KLHL30: variants seen among roughly 807,000 people sequenced by gnomAD.
KLHL30 encodes kelch like family member 30.
KLHL30 carries 55 observed loss-of-function variants against 55.0 expected under a neutral mutation model. The observed-to-expected ratio is 1.00, with a 90% confidence interval of 0.80 to 1.25. The LOEUF is 1.25. KLHL30 is among the 50% of genes most tolerant of loss of function. The pLI is 0.00. For missense variants in KLHL30, 786 were observed against 811.6 expected (o/e 0.97, Z 0.38); for synonymous variants, 356 against 372.6 (o/e 0.96, Z 0.51).
intron 7 of KLHL30, 103 bp downstream of exon 7, chr2:238,149,255 C>G (rs1486285341): frequency 2.7e-6 from 4 of 1,482,846 alleles, no homozygotes; most frequent in Non-Finnish European, 3.7e-6. Flanking sequence ...AGAGGGCCCA[C>G]TGCGAAGGGG....
rs1692607584 is a variant in KLHL30, at chr2:238,144,432, A to AGGCAGGC, written c.908-470_908-469insGGCAGGC. On this transcript the variant is annotated intron_variant, in intron 3 of 7. Transcript: ENST00000409223. ...GAAGGAAGGAAGGAAGGAAGGAAGG[A>AGGCAGGC]AGGCAGGCAGGCAGGCAGGCAGGCA... Among the ~76,000 whole-genome samples, 140 of 82,376 alleles carry AGGCAGGC rather than the reference A, an allele frequency of 1.7e-3. 1 individual carries two copies. Among genetic ancestry groups the AGGCAGGC allele is most frequent in the African/African-American group, 4.9e-3 (106 of 21,802 alleles). The allele number at this position is 82,376 out of a possible 152,430, so 54.0% of individuals were successfully genotyped here. A position where few individuals can be genotyped will look rare whatever the true frequency, so the allele number is the denominator to read the frequency against.
intron 1 of KLHL30, among the ~76,000 whole-genome samples, chr2:238,139,720 G>A (rs1172825064): frequency 2.0e-5 from 3 of 152,180 alleles, no homozygotes; most frequent in East Asian, 1.9e-4. Context: ...ACGCGCGGCC[G>A]CCTCTCCTGC....
At chr2:238,149,313 G>A (rs987863878) in intron 7 of KLHL30, among the ~76,000 whole-genome samples, 161 bp downstream of exon 7, 2 of 146,098 alleles carry the variant, frequency 1.4e-5, no homozygotes, top group Non-Finnish European at 3.0e-5. Context: ...GAAGGGGGTG[G>A]CGCAGGCTGG....
chr2:238,146,375 T>C (rs1692648759), intron 5 of KLHL30, among the ~76,000 whole-genome samples: 1 of 150,570 alleles, frequency 6.6e-6, no homozygotes, highest in Non-Finnish European at 1.5e-5. Context: ...CCTGTCTCCC[T>C]TTTTAAAATT....
At chr2:238,143,364 T>C (rs1486553531) in intron 3 of KLHL30, among the ~76,000 whole-genome samples, 1 of 152,206 alleles carries the variant, frequency 6.6e-6, no homozygotes, top group Non-Finnish European at 1.5e-5. Context: ...GAGCGAGAAC[T>C]CAGCTTCTGG....
chr2:238,139,085 G>C (rs970842751), intron 1 of KLHL30, among the ~76,000 whole-genome samples: 2 of 152,294 alleles, frequency 1.3e-5, no homozygotes, highest in East Asian at 3.9e-4. Context: ...TCCTCACTCC[G>C]GGCCTGGGCA....
chr2:238,140,014 CGT>C (rs1692503554), intron 1 of KLHL30, among the ~76,000 whole-genome samples: 1 of 152,246 alleles, frequency 6.6e-6, no homozygotes, highest in Non-Finnish European at 1.5e-5. Context: ...CACCCGGCCA[CGT>C]GGAATGCAGG....
Position 238,147,146 on chromosome 2 carries a change from CAAA to C in KLHL30, c.1151-676_1151-674del, listed in dbSNP as rs11442034. On this transcript the variant is annotated intron_variant, in intron 5 of 7. Transcript: ENST00000409223. The surrounding 1 kb of genome is among the most constrained non-coding windows in gnomAD (Gnocchi z 5.8). ...TGGGTGACCGAGCAAGACCCTGTCT[CAAA>C]AAAAAAAAAAAGAAAGAAAAGAAAA... Among the ~76,000 whole-genome samples, 5 of 133,256 alleles carry C rather than the reference CAAA, an allele frequency of 3.8e-5. No homozygotes were observed. The highest frequency in any genetic ancestry group is 4.9e-5 in the Non-Finnish European group (3 of 61,840). 87.4% of individuals were successfully genotyped at this position (133,256 alleles called of 152,430 possible). A position where few individuals can be genotyped will look rare whatever the true frequency, so the allele number is the denominator to read the frequency against.
At chr2:238,139,407 G>T (rs530412272) in intron 1 of KLHL30, among the ~76,000 whole-genome samples, 85 of 152,336 alleles carry the variant, frequency 5.6e-4, no homozygotes, top group African/African-American at 1.7e-3. Context: ...GGAACCCCAT[G>T]CATGCAGTGT....
At chr2:238,149,181 G>A (rs1197940007) in intron 7 of KLHL30, 29 bp downstream of exon 7, 2 of 1,610,710 alleles carry the variant, frequency 1.2e-6, no homozygotes, top group South Asian at 1.1e-5. Flanking sequence ...CAACATGTGT[G>A]AGCCCCTGCC....
rs900579298 is a variant in KLHL30, at chr2:238,147,599, G to A, written c.1151-235G>A. Among the ~76,000 whole-genome samples, 3 of 152,120 alleles carry A rather than the reference G, an allele frequency of 2.0e-5. No individual in the cohort carries two copies. Among genetic ancestry groups the A allele is most frequent in the Non-Finnish European group, 2.9e-5 (2 of 68,004 alleles). ...CGTTCCCAAACATCAGCCCCAGCTC[G>A]AGCTCAGGAGTGGGGCATTTCTAGG... On this transcript the variant is annotated intron_variant, in intron 5 of 7. Coordinates refer to ENST00000409223, the MANE Select transcript of KLHL30 (RefSeq NM_198582.4). The surrounding 1 kb of genome is among the most constrained non-coding windows in gnomAD (Gnocchi z 5.8).
chr2:238,144,380 AAGGAAGGAAGGAAGGAAG>A (rs772256046), intron 3 of KLHL30, among the ~76,000 whole-genome samples: 4,052 of 101,562 alleles, frequency 0.04, 85 homozygotes, highest in East Asian at 0.051. Flanking sequence ...GGAAGGAAGG[AAGGAAGGAAGGAAGGAAG>A]GAAGGAAGGA....
In KLHL30 at chr2:238,147,944, CG is replaced by C; in HGVS notation, c.1265del (p.Gly422AlafsTer30). ...CAGCAACTTCTCGGCTGCCGGCTGCCGGGGCCGGCTCTACCTGGTGGGCTCC... is the reference window on the plus strand; with the variant it reads ...CAGCAACTTCTCGGCTGCCGGCTGCCGGGCCGGCTCTACCTGGTGGGCTCC... ...YVSNFSAAGC[R>X]GRLYLVGSSA... On this transcript the variant is annotated frameshift_variant, in exon 6 of 8. Transcript: ENST00000409223. LOFTEE classifies it high-confidence loss of function. The surrounding 1 kb of genome is among the most constrained non-coding windows in gnomAD (Gnocchi z 5.8). The C allele has an allele frequency of 1.9e-6, 3 of 1,588,300 alleles. No individual in the cohort carries two copies. Among genetic ancestry groups the C allele is most frequent in the Admixed American group, 1.8e-5 (1 of 56,880 alleles).
At position 238,144,416 on chromosome 2, in the gene KLHL30, AAGGAAGGAAGGAAGGAAGGC is replaced by A. The variant is rs1325185079; in HGVS notation, c.908-482_908-463del. On this transcript the variant is annotated intron_variant, in intron 3 of 7. Transcript: ENST00000409223. ...GAAGGAAGGAAGGAAGGAAGGAAGG[AAGGAAGGAAGGAAGGAAGGC>A]AGGCAGGCAGGCAGGCAGGCAGGCA... Among the ~76,000 whole-genome samples the A allele has an allele frequency of 4.0e-3, 429 of 106,974 alleles. 1 individual carries two copies. Among genetic ancestry groups the A allele is most frequent in the East Asian group, 0.012 (43 of 3,618 alleles). 70.2% of individuals were successfully genotyped at this position (106,974 alleles called of 152,430 possible). A position where few individuals can be genotyped will look rare whatever the true frequency, so the allele number is the denominator to read the frequency against.
In KLHL30 at chr2:238,149,038, G is replaced by A. The variant is rs1242075397; in HGVS notation, c.1371G>A (p.Leu457=). The A allele has an allele frequency of 6.2e-7, 1 of 1,611,892 alleles. No individual in the cohort carries two copies. Among genetic ancestry groups the A allele is most frequent in the Non-Finnish European group, 8.5e-7 (1 of 1,179,338 alleles). Residue 457 remains leucine (L), a synonymous_variant, in exon 7 of 8, where the codon CTG becomes CTA. Coordinates refer to ENST00000409223, the MANE Select transcript of KLHL30 (RefSeq NM_198582.4). ...DAWSVIASPF[L]PKYLSSPRCA... ...GGAGTGTGATCGCCTCGCCCTTCCT[G>A]CCCAAGTACCTGTCCTCGCCTCGCT...
chr2:238,151,236 T>C lies in KLHL30; in HGVS notation c.*171T>C. ...CATGGCTTGGAGGACACAGCCTTGG[T>C]CTCTGTGGCCACCACACTAAACTCT... is the stretch of plus-strand genomic sequence containing the variant. On this transcript the variant is annotated 3_prime_UTR_variant, in exon 8 of 8. Coordinates refer to ENST00000409223, the MANE Select transcript of KLHL30 (RefSeq NM_198582.4). 1 of 906,018 alleles carries C rather than the reference T, an allele frequency of 1.1e-6. No individual in the cohort carries two copies. The highest frequency in any genetic ancestry group is 1.6e-6 in the Non-Finnish European group (1 of 613,356). 56.1% of individuals were successfully genotyped at this position (906,018 alleles called of 1,614,324 possible).
rs996579240 is a variant in KLHL30 at position 238,152,836 on chromosome 2, T to C, written c.*1771T>C. 2 of 152,208 alleles carry C rather than the reference T, an allele frequency of 1.3e-5. No individual in the cohort carries two copies. Among genetic ancestry groups the C allele is most frequent in the Non-Finnish European group, 2.9e-5 (2 of 68,048 alleles). The allele number at this position is 152,208 out of a possible 1,614,324, so 9.4% of individuals were successfully genotyped here. A position where few individuals can be genotyped will look rare whatever the true frequency, so the allele number is the denominator to read the frequency against. ...ATCTGAAATGTTTTCTAGACAGTGA[T>C]GGAAGGAGGTCAGCCAAAGGGCTGT... is the stretch of plus-strand genomic sequence containing the variant. On this transcript the variant is annotated 3_prime_UTR_variant, in exon 8 of 8. Coordinates refer to ENST00000409223, the MANE Select transcript of KLHL30 (RefSeq NM_198582.4).
chr2:238,141,505 G>T lies in KLHL30; in HGVS notation c.751G>T (p.Ala251Ser), dbSNP rs903158521. ...CCAGGAGTCAGAGGCATGCCGGGCA[G>T]CCCTGTCCCAGGGCCATGATGGGGT... ...LIQESEACRA[A>S]LSQGHDGAPL... Residue 251 changes from alanine (A) to serine (S), a missense_variant, in exon 2 of 8, where the codon GCC becomes TCC. Ala to Ser is a moderately conservative substitution (Grantham distance 99, BLOSUM62 1). Transcript: ENST00000409223. 5 of 1,459,790 alleles carry T rather than the reference G, an allele frequency of 3.4e-6. No homozygotes were observed. Among genetic ancestry groups the T allele is most frequent in the Non-Finnish European group, 4.5e-6 (5 of 1,111,348 alleles). The allele number at this position is 1,459,790 out of a possible 1,614,324, so 90.4% of individuals were successfully genotyped here.
chr2:238,144,460 C>CAGGCAGGCAGGT (rs1692611375), intron 3 of KLHL30, among the ~76,000 whole-genome samples: 1 of 147,668 alleles, frequency 6.8e-6, no homozygotes, highest in African/African-American at 2.5e-5. Flanking sequence ...GGCAGGCAGG[C>CAGGCAGGCAGGT]AGGCAGGCAG....
Sources: allele counts gnomAD v4.1 joint callset (sites outside exome capture counted in the v4.1 genomes callset), GRCh38; gene constraint gnomAD v4.1.1; non-coding constraint Gnocchi (gnomAD v3.1); transcripts MANE v1.5; gene names NCBI Gene and HGNC (gene_info 2026-07-23, HGNC 2026-07-21).